Variants in BBX observed in about 807,000 individuals in gnomAD.
BBX encodes the protein BBX high mobility group box domain containing.
A neutral mutation model predicts 100.2 loss-of-function variants in BBX; 30 were observed. The observed-to-expected ratio is 0.30, with a 90% CI of 0.22 to 0.41. BBX has a LOEUF of 0.41. Among genes scored for constraint, BBX ranks in the 10% least tolerant of loss-of-function variants. The pLI is 1.00. For synonymous variants in BBX, 376 were observed against 388.1 expected, an observed-to-expected ratio of 0.97 and a Z score of 0.37; for missense variants, 1,023 against 1,129.8, an observed-to-expected ratio of 0.91 and a Z score of 1.35.
chr3:107,667,038 CTG>C (rs1019357242), intron 3 of BBX, among the ~76,000 whole-genome samples: 2 of 152,236 alleles, frequency 1.3e-5, no homozygotes, highest in African/African-American at 4.8e-5. Context: ...CTTGACAAAA[CTG>C]TTAAGGAAAC....
chr3:107,660,548 A>G (rs1328155473), intron 3 of BBX, among the ~76,000 whole-genome samples: 6 of 148,512 alleles, frequency 4.0e-5, no homozygotes, highest in African/African-American at 1.5e-4. Context: ...CACAAAACCT[A>G]TCCAGTCACT....
At chr3:107,563,095 C>T (rs1037156842) in intron 2 of BBX, among the ~76,000 whole-genome samples, 4 of 152,156 alleles carry the variant, frequency 2.6e-5, no homozygotes, top group African/African-American at 7.2e-5. Context: ...ACAGCTTTGC[C>T]TCCCATGTGG....
chr3:107,622,654 G>A (rs2055863233), intron 2 of BBX, among the ~76,000 whole-genome samples: 1 of 152,096 alleles, frequency 6.6e-6, no homozygotes, highest in African/African-American at 2.4e-5. Context: ...TGTCATTTTA[G>A]AGTTGATATC....
chr3:107,716,879 G>A, intron 5 of BBX, 30 bp downstream of exon 5: 1 of 1,604,624 alleles, frequency 6.2e-7, no homozygotes, highest in Non-Finnish European at 8.5e-7. Flanking sequence ...TATTCTGATA[G>A]CTAAAAGCAA....
At chr3:107,740,920 T>C (rs2064044351) in intron 7 of BBX, among the ~76,000 whole-genome samples, 1 of 149,942 alleles carries the variant, frequency 6.7e-6, no homozygotes. Flanking sequence ...TGCAAGCAAC[T>C]AAGGCTTAGG....
At chr3:107,526,620 A>G (rs545408500) in intron 2 of BBX, 2 of 351,960 alleles carry the variant, frequency 5.7e-6, no homozygotes, top group African/African-American at 4.2e-5. Flanking sequence ...GTGTTTATCT[A>G]CAAGTAATTG....
intron 2 of BBX, among the ~76,000 whole-genome samples, chr3:107,633,942 A>G (rs2056701651): frequency 6.6e-6 from 1 of 152,154 alleles, no homozygotes; most frequent in African/African-American, 2.4e-5. Flanking sequence ...TTATGTTCTT[A>G]CCAGATGTAG....
chr3:107,633,293 T>C (rs1397120306), intron 2 of BBX, among the ~76,000 whole-genome samples: 1 of 152,096 alleles, frequency 6.6e-6, no homozygotes, highest in African/African-American at 2.4e-5. Flanking sequence ...AAGCTAAATA[T>C]ATAATAGTTG....
chr3:107,690,130 A>G lies in BBX; in HGVS notation c.-9-20322A>G, dbSNP rs114649537. 3.6e-3 allele frequency among the ~76,000 whole-genome samples: 544 copies of G among 152,354 alleles called. 1 individual carries two copies. Among genetic ancestry groups the G allele is most frequent in the African/African-American group, 0.013 (520 of 41,584 alleles). ...TATTAATGAAATGTACTCAAGTTGT[A>G]TATTATAAAGTGCTTTATCATAAAA... On this transcript the variant is annotated intron_variant, in intron 3 of 17. Coordinates refer to ENST00000325805, the MANE Select transcript of BBX (RefSeq NM_001142568.3).
chr3:107,738,185 A>G (rs1266333372), intron 7 of BBX, among the ~76,000 whole-genome samples: 1 of 151,812 alleles, frequency 6.6e-6, no homozygotes, highest in Non-Finnish European at 1.5e-5. Flanking sequence ...CTAATCTCTT[A>G]TATCCCATAT....
intron 2 of BBX, among the ~76,000 whole-genome samples, chr3:107,572,218 G>A (rs2051420923): frequency 1.3e-5 from 2 of 152,140 alleles, no homozygotes; most frequent in African/African-American, 4.8e-5. Context: ...GACACTCATT[G>A]TCTCTTGAAC....
chr3:107,697,159 C>T (rs1428849096), intron 3 of BBX, among the ~76,000 whole-genome samples: 2 of 151,772 alleles, frequency 1.3e-5, no homozygotes, highest in South Asian at 2.1e-4. Context: ...TCCCGTAGCT[C>T]GGAGTAATTT....
intron 3 of BBX, among the ~76,000 whole-genome samples, chr3:107,692,301 C>G (rs773901565): frequency 1.1e-4 from 16 of 151,908 alleles, no homozygotes; most frequent in Non-Finnish European, 1.9e-4. Flanking sequence ...CCTACTAACT[C>G]GTCATCTAGC....
At chr3:107,559,734 G>A (rs1559810896) in intron 2 of BBX, among the ~76,000 whole-genome samples, 1 of 152,096 alleles carries the variant, frequency 6.6e-6, no homozygotes, top group Non-Finnish European at 1.5e-5. Flanking sequence ...GTGTTATTAG[G>A]ATTAGAATTC....
At chr3:107,634,471 C>A (rs1158662783) in intron 2 of BBX, among the ~76,000 whole-genome samples, 2 of 152,170 alleles carry the variant, frequency 1.3e-5, no homozygotes, top group African/African-American at 4.8e-5. Flanking sequence ...AAATTATTTT[C>A]TAGCAACAGT....
intron 2 of BBX, among the ~76,000 whole-genome samples, chr3:107,546,107 C>A (rs2049221658): frequency 6.6e-6 from 1 of 152,136 alleles, no homozygotes; most frequent in South Asian, 2.1e-4. Context: ...CAACCTGTCC[C>A]AAGCTTTCAT....
At chr3:107,642,311 T>C (rs1278097516) in intron 2 of BBX, among the ~76,000 whole-genome samples, 1 of 152,244 alleles carries the variant, frequency 6.6e-6, no homozygotes, top group Non-Finnish European at 1.5e-5. Context: ...TTAAGTTCAT[T>C]TTATCAACAT....
chr3:107,804,221 TTTTC>T (rs1224465682), intron 17 of BBX, among the ~76,000 whole-genome samples: 1 of 152,196 alleles, frequency 6.6e-6, no homozygotes, highest in African/African-American at 2.4e-5. Flanking sequence ...TCTACATTAT[TTTTC>T]TTTTTTGTGC....
At position 107,577,669 on chromosome 3, in the gene BBX, T is replaced by C. The variant is rs1402297913; in HGVS notation, c.-84+51271T>C. Among the ~76,000 whole-genome samples the C allele has an allele frequency of 2.0e-5, 3 of 152,158 alleles. No homozygotes were observed. The East Asian group carries it at 5.8e-4, about 29-fold the overall frequency. ...CACATGGTATTCTCTAAGCAATTGA[T>C]AATAAATAGTAAAAGGTAGTTCTTA... On this transcript the variant is annotated intron_variant, in intron 2 of 17. Transcript: ENST00000325805.
Sources: gnomAD v4.1 joint callset for allele counts (sites outside exome capture counted in the v4.1 genomes callset) on GRCh38, gnomAD v4.1.1 for gene constraint, MANE v1.5 for transcripts, NCBI Gene and HGNC (gene_info 2026-07-23, HGNC 2026-07-21) for gene names.